Variants in ARHGAP26 observed in about 807,000 individuals in gnomAD.
ARHGAP26 encodes the protein rho GTPase-activating protein 26.
In ARHGAP26, 38 loss-of-function variants were observed where a neutral mutation model predicts 104.8. The ratio of observed to expected loss-of-function variants is 0.36; its 90% CI spans 0.28 to 0.48. The LOEUF (loss-of-function observed/expected upper bound fraction) is 0.48. Ranked by LOEUF, ARHGAP26 falls within the 20% of genes least tolerant of loss-of-function variation. ARHGAP26 has a pLI of 0.99. For missense variants in ARHGAP26, 704 were observed against 947.9 expected (o/e 0.74, Z 3.38); for synonymous variants, 341 against 340.0 (o/e 1.00, Z -0.03).
At chr5:143,092,543 T>TC (rs59464424) in intron 17 of ARHGAP26, among the ~76,000 whole-genome samples, 2,513 of 148,948 alleles carry the variant, frequency 0.017, 60 homozygotes, top group African/African-American at 0.051. Context: ...ACATAAATTC[T>TC]CCCCCCCCCA....
At chr5:142,949,940 T>A (rs1768049251) in intron 11 of ARHGAP26, among the ~76,000 whole-genome samples, 1 of 152,214 alleles carries the variant, frequency 6.6e-6, no homozygotes, top group African/African-American at 2.4e-5. Context: ...ACCAGGTCAT[T>A]TCATGAGAAT....
chr5:142,893,219 G>A (rs1216181878), intron 5 of ARHGAP26, among the ~76,000 whole-genome samples: 2 of 151,778 alleles, frequency 1.3e-5, no homozygotes, highest in African/African-American at 4.8e-5. Flanking sequence ...CTCGTGATCC[G>A]CCCACCTCGG....
At chr5:143,099,211 A>T (rs1792865978) in intron 17 of ARHGAP26, among the ~76,000 whole-genome samples, 1 of 152,240 alleles carries the variant, frequency 6.6e-6, no homozygotes, top group African/African-American at 2.4e-5. Context: ...GTCTTCATTC[A>T]TAGTAAATAG....
chr5:142,837,226 G>A (rs1769758949), intron 1 of ARHGAP26, among the ~76,000 whole-genome samples: 1 of 152,122 alleles, frequency 6.6e-6, no homozygotes, highest in South Asian at 2.1e-4. Context: ...AAAACAAAAG[G>A]GTAGACGTCA....
intron 17 of ARHGAP26, among the ~76,000 whole-genome samples, chr5:143,061,008 C>G (rs1786618038): frequency 6.6e-6 from 1 of 152,200 alleles, no homozygotes; most frequent in Non-Finnish European, 1.5e-5. Context: ...TTTTGACTTT[C>G]CAAGTCTTTG....
At position 142,890,131 on chromosome 5, in the gene ARHGAP26, C is replaced by T. The variant is rs542567818; in HGVS notation, c.487-4107C>T. Among the ~76,000 whole-genome samples, 5 of 49,444 alleles carry T rather than the reference C, an allele frequency of 1.0e-4. No individual in the cohort carries two copies. In the East Asian group the frequency reaches 5.9e-3, roughly 58 times the overall value. The allele number at this position is 49,444 out of a possible 152,430, so 32.4% of individuals were successfully genotyped here. On this transcript the variant is annotated intron_variant, in intron 5 of 22. Coordinates refer to ENST00000645722, the MANE Select transcript of ARHGAP26 (RefSeq NM_001135608.3). ...AGCCTGGGTAACAAGAGCGAAACTC[C>T]GTCTTAAAAAAAAAAAAAAAATATA...
At chr5:142,965,283 T>C (rs1771123264) in intron 11 of ARHGAP26, among the ~76,000 whole-genome samples, 1 of 152,184 alleles carries the variant, frequency 6.6e-6, no homozygotes. Flanking sequence ...CTGACTGATG[T>C]CAGGCCCTCC....
intron 12 of ARHGAP26, among the ~76,000 whole-genome samples, chr5:143,028,652 G>A (rs1029900661): frequency 2.0e-5 from 3 of 152,180 alleles, no homozygotes; most frequent in Non-Finnish European, 2.9e-5. Flanking sequence ...ATCCTGTTGA[G>A]TTATCCCCAT....
intron 11 of ARHGAP26, among the ~76,000 whole-genome samples, chr5:142,986,890 C>G (rs1321642434): frequency 2.0e-5 from 3 of 152,130 alleles, no homozygotes; most frequent in African/African-American, 7.2e-5. Context: ...CAGTACCATG[C>G]TGTTTGGTTA....
At chr5:143,044,032 G>A (rs1783860726) in intron 14 of ARHGAP26, among the ~76,000 whole-genome samples, 1 of 152,084 alleles carries the variant, frequency 6.6e-6, no homozygotes, top group African/African-American at 2.4e-5. Flanking sequence ...TAGCTAAGGT[G>A]GTCTTTTTTG....
chr5:142,923,817 T>A (rs1763516530), intron 10 of ARHGAP26, among the ~76,000 whole-genome samples: 1 of 152,054 alleles, frequency 6.6e-6, no homozygotes, highest in African/African-American at 2.4e-5. Context: ...GGTTGCAGGC[T>A]TTAATAGGTT....
intron 13 of ARHGAP26, among the ~76,000 whole-genome samples, chr5:143,041,088 T>C (rs10045128): frequency 0.016 from 2,471 of 152,294 alleles, 70 homozygotes; most frequent in African/African-American, 0.055. Flanking sequence ...CTGGAACTAA[T>C]AGGAGAAAAA....
chr5:143,062,618 C>G (rs1298025197), intron 17 of ARHGAP26, among the ~76,000 whole-genome samples: 1 of 144,668 alleles, frequency 6.9e-6, no homozygotes, highest in Non-Finnish European at 1.5e-5. Flanking sequence ...CTTTAATGAT[C>G]TAGAAACAGT....
chr5:143,160,060 CTTTTT>C (rs200678768), intron 20 of ARHGAP26, among the ~76,000 whole-genome samples: 3 of 133,980 alleles, frequency 2.2e-5, no homozygotes, highest in Non-Finnish European at 1.6e-5. Context: ...AAAGATTTTT[CTTTTT>C]TTTTTTTTTT....
chr5:143,068,308 T>C (rs1787796373), intron 17 of ARHGAP26, among the ~76,000 whole-genome samples: 1 of 152,230 alleles, frequency 6.6e-6, no homozygotes, highest in Admixed American at 6.5e-5. Context: ...ACTACATTTC[T>C]CTAGGCCATT....
chr5:143,139,270 C>T (rs1025316922), intron 19 of ARHGAP26, among the ~76,000 whole-genome samples: 1 of 152,048 alleles, frequency 6.6e-6, no homozygotes, highest in African/African-American at 2.4e-5. Context: ...TCGTGTCATC[C>T]CCACAATTGA....
intron 12 of ARHGAP26, among the ~76,000 whole-genome samples, chr5:143,028,850 C>T (rs1476373253): frequency 6.6e-6 from 1 of 152,132 alleles, no homozygotes; most frequent in African/African-American, 2.4e-5. Flanking sequence ...AACATACCAG[C>T]CAGGGGGCAG....
intron 13 of ARHGAP26, among the ~76,000 whole-genome samples, chr5:143,039,264 G>A (rs1783094882): frequency 6.6e-6 from 1 of 152,082 alleles, no homozygotes; most frequent in African/African-American, 2.4e-5. Context: ...CTGGAGTGCA[G>A]TGGCTCAATC....
intron 10 of ARHGAP26, among the ~76,000 whole-genome samples, chr5:142,917,980 C>T (rs183402477): frequency 1.1e-4 from 17 of 152,204 alleles, no homozygotes; most frequent in African/African-American, 1.9e-4. Context: ...TGTTAATCCT[C>T]AAATCCCTGA....
Sources: gnomAD v4.1 joint callset for allele counts (sites outside exome capture counted in the v4.1 genomes callset) on GRCh38, gnomAD v4.1.1 for gene constraint, MANE v1.5 for transcripts, NCBI Gene and HGNC (gene_info 2026-07-23, HGNC 2026-07-21) for gene names.